Variants in DTWD2 observed in about 807,000 individuals in gnomAD.
DTWD2 encodes the protein DTW motif tRNA-uridine aminocarboxypropyltransferase 2.
A neutral mutation model predicts 31.8 loss-of-function variants in DTWD2; 39 were observed. The ratio of observed to expected loss-of-function variants is 1.22; its 90% CI spans 0.95 to 1.60. The LOEUF is 1.60. DTWD2 is among the 40% of genes most tolerant of loss of function. The pLI, the probability that DTWD2 is intolerant of heterozygous loss-of-function variation, is 0.00. For synonymous variants in DTWD2, 180 were observed against 142.8 expected, an observed-to-expected ratio of 1.26 and a Z score of -1.86; for missense variants, 515 against 381.5, an observed-to-expected ratio of 1.35 and a Z score of -2.92.
intron 4 of DTWD2, among the ~76,000 whole-genome samples, chr5:118,918,018 G>A (rs975077598): frequency 1.1e-4 from 17 of 151,562 alleles, no homozygotes; most frequent in African/African-American, 4.1e-4. Flanking sequence ...AAAACAGCAT[G>A]GGGAACTGCC....
chr5:118,962,243 A>T (rs763282840), intron 1 of DTWD2, among the ~76,000 whole-genome samples: 1 of 152,234 alleles, frequency 6.6e-6, no homozygotes, highest in Non-Finnish European at 1.5e-5. Flanking sequence ...TGTCTCAAAA[A>T]AAAAGAAAAT....
At chr5:118,865,389 T>C (rs1186552074) in intron 4 of DTWD2, among the ~76,000 whole-genome samples, 3 of 152,172 alleles carry the variant, frequency 2.0e-5, no homozygotes, top group Non-Finnish European at 4.4e-5. Flanking sequence ...CTATCTTTAC[T>C]TTCCCTTCAG....
intron 3 of DTWD2, among the ~76,000 whole-genome samples, chr5:118,932,634 G>A (rs1340262861): frequency 6.6e-6 from 1 of 152,120 alleles, no homozygotes; most frequent in Non-Finnish European, 1.5e-5. Flanking sequence ...TAATCTAACT[G>A]GTATGATTAT....
chr5:118,986,087 T>C (rs927809887), intron 1 of DTWD2, among the ~76,000 whole-genome samples: 1 of 152,162 alleles, frequency 6.6e-6, no homozygotes, highest in Non-Finnish European at 1.5e-5. Flanking sequence ...GTTCAACAAA[T>C]CTTTTGTGCA....
chr5:118,950,127 G>C (rs1754427939), intron 1 of DTWD2, among the ~76,000 whole-genome samples: 1 of 142,508 alleles, frequency 7.0e-6, no homozygotes, highest in South Asian at 2.2e-4. Context: ...GGAGAATGGT[G>C]TGAACCCAGG....
chr5:118,973,660 AGCCTCCTTGCTC>A, intron 1 of DTWD2: 1 of 874,538 alleles, frequency 1.1e-6, no homozygotes, highest in East Asian at 2.7e-5. Flanking sequence ...TGCTCGCGGC[AGCCTCCTTGCTC>A]GCCGCAGCCG....
intron 4 of DTWD2, among the ~76,000 whole-genome samples, chr5:118,918,522 G>C (rs1000859833): frequency 1.3e-5 from 2 of 151,536 alleles, no homozygotes; most frequent in Non-Finnish European, 2.9e-5. Flanking sequence ...CAAAATCATT[G>C]AGAGAATTAT....
intron 1 of DTWD2, among the ~76,000 whole-genome samples, chr5:118,974,927 C>T (rs1247421353): frequency 6.6e-6 from 1 of 152,182 alleles, no homozygotes; most frequent in South Asian, 2.1e-4. Flanking sequence ...TTGTGGGTAA[C>T]CCAACCTTTC....
intron 1 of DTWD2, among the ~76,000 whole-genome samples, chr5:118,970,380 T>G (rs528007687): frequency 6.6e-6 from 1 of 152,066 alleles, no homozygotes; most frequent in Non-Finnish European, 1.5e-5. Flanking sequence ...TGAACCAAGA[T>G]TGCACCACGG....
At chr5:118,841,130 T>C (rs1203068197) in intron 5 of DTWD2, 43 bp from the exon 6 acceptor site, 14 of 1,559,334 alleles carry the variant, frequency 9.0e-6, no homozygotes, top group Admixed American at 1.9e-5. Flanking sequence ...CTGTGACAAA[T>C]CATGATATTC....
chr5:118,900,144 A>C (rs1421085952), intron 4 of DTWD2, among the ~76,000 whole-genome samples: 1 of 151,948 alleles, frequency 6.6e-6, no homozygotes, highest in Non-Finnish European at 1.5e-5. Flanking sequence ...TTTCACCAAC[A>C]TTATGTTTAT....
chr5:118,886,046 C>A (rs965443764), intron 4 of DTWD2, among the ~76,000 whole-genome samples: 3 of 152,160 alleles, frequency 2.0e-5, no homozygotes, highest in Non-Finnish European at 4.4e-5. Context: ...GGGGGAACTA[C>A]CTAATAAGCC....
intron 4 of DTWD2, among the ~76,000 whole-genome samples, chr5:118,869,247 T>C (rs1005188773): frequency 1.3e-5 from 2 of 152,046 alleles, no homozygotes; most frequent in South Asian, 4.1e-4. Context: ...TTACAAAGCA[T>C]TAAAAGAGAT....
intron 4 of DTWD2, among the ~76,000 whole-genome samples, chr5:118,927,524 CTA>C (rs1340656002): frequency 6.6e-6 from 1 of 151,710 alleles, no homozygotes; most frequent in Non-Finnish European, 1.5e-5. Context: ...GTGTGTGTGT[CTA>C]TGTCTGTGTG....
chr5:118,915,771 G>A (rs554806868), intron 4 of DTWD2, among the ~76,000 whole-genome samples: 2 of 152,218 alleles, frequency 1.3e-5, no homozygotes, highest in Non-Finnish European at 2.9e-5. Flanking sequence ...CCATCTAGGT[G>A]TGTGAGTAAA....
At chr5:118,941,409 G>C (rs1408258861) in intron 2 of DTWD2, among the ~76,000 whole-genome samples, 1 of 152,090 alleles carries the variant, frequency 6.6e-6, no homozygotes, top group Non-Finnish European at 1.5e-5. Flanking sequence ...TCCCACCTAT[G>C]AGTGAGAACA....
At chr5:118,858,540 C>A (rs1019160280) in intron 4 of DTWD2, among the ~76,000 whole-genome samples, 1 of 152,064 alleles carries the variant, frequency 6.6e-6, no homozygotes, top group Non-Finnish European at 1.5e-5. Flanking sequence ...TTCAAACATA[C>A]CCAAAAGTAA....
At chr5:118,903,952 T>C (rs1275079687) in intron 4 of DTWD2, among the ~76,000 whole-genome samples, 1 of 152,048 alleles carries the variant, frequency 6.6e-6, no homozygotes, top group East Asian at 1.9e-4. Context: ...GTCAAAAGGA[T>C]AGAGGATCTA....
intron 1 of DTWD2, chr5:118,973,677 C>T: frequency 8.5e-7 from 1 of 1,169,620 alleles, no homozygotes; most frequent in Non-Finnish European, 1.2e-6. Context: ...TTGCTCGCCG[C>T]AGCCGCCTCC....
Sources: allele counts gnomAD v4.1 joint callset (sites outside exome capture counted in the v4.1 genomes callset), GRCh38; gene constraint gnomAD v4.1.1; transcripts MANE v1.5; gene names NCBI Gene and HGNC (gene_info 2026-07-23, HGNC 2026-07-21).